The following PEX13 variants were observed in gnomAD, a reference collection of about 807,000 sequenced individuals.
PEX13 encodes the protein peroxisomal biogenesis factor 13, also known as peroxisome biogenesis factor 13.
A neutral mutation model predicts 34.5 loss-of-function variants in PEX13; 28 were observed. That is an observed-to-expected ratio of 0.81 (90% CI 0.60 to 1.11). The LOEUF (loss-of-function observed/expected upper bound fraction) is 1.11, where lower values mean the gene tolerates loss of function less well. Among genes scored for constraint, PEX13 ranks in the 50% most tolerant of loss-of-function variants. PEX13 has a pLI of 0.00. For synonymous variants in PEX13, 177 were observed against 175.1 expected (o/e 1.01, Z -0.09); for missense variants, 550 against 491.0 (o/e 1.12, Z -1.13).
At position 61,045,783 on chromosome 2, in the gene PEX13, A is replaced by G. The variant is rs1573560642; in HGVS notation, c.845A>G (p.Asp282Gly). Reference sequence around the variant, plus strand: ...CATGTAGTTGCCAGAGCAGAATATGATTTTGCTGCCGTATCTGAAGAAGAA... The same window carrying G: ...CATGTAGTTGCCAGAGCAGAATATGGTTTTGCTGCCGTATCTGAAGAAGAA... ...DDHVVARAEY[D>G]FAAVSEEEIS... The change falls in exon 3 of 4, where the codon GAT (aspartate) becomes GGT (glycine). Residue 282 changes from aspartate to glycine, a missense_variant. Physicochemically the swap from Asp to Gly is moderately conservative, Grantham distance 94. Transcript: ENST00000295030. The G allele has an allele frequency of 1.9e-6, 3 of 1,613,190 alleles. No homozygotes were observed. Among genetic ancestry groups the G allele is most frequent in the South Asian group, 1.1e-5 (1 of 91,054 alleles).
chr2:61,045,907 A>G lies in PEX13; in HGVS notation c.913+56A>G. Reference sequence around the variant, plus strand: ...TGTAAATTTTGATATTCATAAATGCAGTATTAAAAACTACAACAAAGGATC... The same window carrying G: ...TGTAAATTTTGATATTCATAAATGCGGTATTAAAAACTACAACAAAGGATC... On this transcript the variant is annotated intron_variant, in intron 3 of 3. Coordinates refer to ENST00000295030, the MANE Select transcript of PEX13 (RefSeq NM_002618.4). 2.1e-6 allele frequency: 3 copies of G among 1,401,236 alleles called. No individual in the cohort carries two copies. In the South Asian group the frequency reaches 3.5e-5, roughly 16 times the overall value. 86.8% of individuals were successfully genotyped at this position (1,401,236 alleles called of 1,614,324 possible).
intron 1 of PEX13, chr2:61,018,087 CGTCTCTCTGG>C: frequency 6.6e-7 from 1 of 1,521,720 alleles, no homozygotes; most frequent in African/African-American, 1.4e-5. Flanking sequence ...AGCTCCTGGG[CGTCTCTCTGG>C]GTCTCTGTGC....
In PEX13 at chr2:61,048,592, C is replaced by T. The variant is rs748038698; in HGVS notation, c.1034C>T (p.Ser345Leu). Residue 345 changes from serine (S) to leucine (L), a missense_variant, in exon 4 of 4, where the codon TCA becomes TTA. Physicochemically the swap from Ser to Leu is moderately radical, Grantham distance 145. Transcript: ENST00000295030. ...GKRKGRKTVE[S>L]SKVSKQQQSF... ...AGAAAAGGTAGGAAAACGGTGGAAT[C>T]AAGTAAAGTTTCCAAGCAGCAACAA... The T allele has an allele frequency of 3.1e-6, 5 of 1,614,100 alleles. No homozygotes were observed. Among genetic ancestry groups the T allele is most frequent in the Non-Finnish European group, 4.2e-6 (5 of 1,179,990 alleles).
chr2:61,039,134 A>G lies in PEX13; in HGVS notation c.788-6592A>G, dbSNP rs182888578. Among the ~76,000 whole-genome samples the G allele has an allele frequency of 2.0e-5, 3 of 152,358 alleles. No homozygotes were observed. The East Asian group carries it at 5.8e-4, about 29-fold the overall frequency. ...GGAAGAACATTCCATGCCCATGGATAGGAAGAATCAATATCATGAAAATGG... is the reference window on the plus strand; with the variant it reads ...GGAAGAACATTCCATGCCCATGGATGGGAAGAATCAATATCATGAAAATGG... On this transcript the variant is annotated intron_variant, in intron 2 of 3. Transcript: ENST00000295030.
chr2:61,030,000 C>CTA (rs749245224), intron 1 of PEX13, among the ~76,000 whole-genome samples: 3 of 152,028 alleles, frequency 2.0e-5, no homozygotes, highest in Non-Finnish European at 4.4e-5. Flanking sequence ...TATGCAAATG[C>CTA]TATACTATTT....
At chr2:61,037,918 G>A (rs1680562070) in intron 2 of PEX13, among the ~76,000 whole-genome samples, 1 of 152,112 alleles carries the variant, frequency 6.6e-6, no homozygotes, top group East Asian at 1.9e-4. Context: ...AATGATAAAA[G>A]GGGTATCACC....
At chr2:61,035,948 A>C (rs1680527663) in intron 2 of PEX13, among the ~76,000 whole-genome samples, 2 of 148,612 alleles carry the variant, frequency 1.3e-5, no homozygotes, top group Admixed American at 1.4e-4. Context: ...ACACCATTGC[A>C]CTCCAGCCTG....
In PEX13 at chr2:61,049,046, G is replaced by A; in HGVS notation, c.*276G>A. 2.3e-6 allele frequency: 1 copy of A among 428,126 alleles called. No individual in the cohort carries two copies. Among genetic ancestry groups the A allele is most frequent in the Middle Eastern group, 7.0e-4 (1 of 1,434 alleles). 26.5% of individuals were successfully genotyped at this position (428,126 alleles called of 1,614,324 possible). On this transcript the variant is annotated 3_prime_UTR_variant, in exon 4 of 4. Transcript: ENST00000295030. ...CATTTTTATCTTATTTAAATCTCTA[G>A]GTTTATTGGAAGAGTAAGATTGATG...
In PEX13 at chr2:61,049,750, G is replaced by A. The variant is rs548289599; in HGVS notation, c.*980G>A. On this transcript the variant is annotated 3_prime_UTR_variant, in exon 4 of 4. Coordinates refer to ENST00000295030, the MANE Select transcript of PEX13 (RefSeq NM_002618.4). Reference sequence around the variant, plus strand: ...AGATCTCGCCATTGCACTTCAGCCTGGGCAACAAAAGCGAAACTCCATCTC... The same window carrying A: ...AGATCTCGCCATTGCACTTCAGCCTAGGCAACAAAAGCGAAACTCCATCTC... 4.6e-5 allele frequency: 7 copies of A among 152,132 alleles called. No individual in the cohort carries two copies. The highest frequency in any genetic ancestry group is 1.7e-4 in the African/African-American group (7 of 41,414). 9.4% of individuals were successfully genotyped at this position (152,132 alleles called of 1,614,324 possible). A position where few individuals can be genotyped will look rare whatever the true frequency, so the allele number is the denominator to read the frequency against.
intron 1 of PEX13, chr2:61,018,920 C>T (rs1680181534): frequency 1.3e-5 from 2 of 152,202 alleles, no homozygotes; most frequent in South Asian, 2.1e-4. Context: ...TAAAATTAAC[C>T]ATTTTCCCAC....
rs1400405974 is a variant in PEX13 at position 61,050,049 on chromosome 2, T to C, written c.*1279T>C. 2.0e-5 allele frequency: 3 copies of C among 152,334 alleles called. No homozygotes were observed. The highest frequency in any genetic ancestry group is 4.4e-5 in the Non-Finnish European group (3 of 68,038). 9.4% of individuals were successfully genotyped at this position (152,334 alleles called of 1,614,324 possible). ...ATACATTTTTCTTTTAGGTTTAGTT[T>C]TTACTACTGAGACTTATTTATAGTC... On this transcript the variant is annotated 3_prime_UTR_variant, in exon 4 of 4. Coordinates refer to ENST00000295030, the MANE Select transcript of PEX13 (RefSeq NM_002618.4).
rs1680358812 is a variant in PEX13 at position 61,026,548 on chromosome 2, ATC to A, written c.93-4869_93-4868del. ...TTTTTAGTAGAGACAGTATTTCACCATCTTGGCCAGGCTGGTCTTGAACTCCT... is the reference window on the plus strand; with the variant it reads ...TTTTTAGTAGAGACAGTATTTCACCATTGGCCAGGCTGGTCTTGAACTCCT... On this transcript the variant is annotated intron_variant, in intron 1 of 3. Coordinates refer to ENST00000295030, the MANE Select transcript of PEX13 (RefSeq NM_002618.4). Among the ~76,000 whole-genome samples the A allele has an allele frequency of 5.6e-4, 85 of 151,130 alleles. 2 individuals are homozygous for A. The South Asian group carries it at 0.017, about 30-fold the overall frequency.
intron 1 of PEX13, among the ~76,000 whole-genome samples, chr2:61,020,067 C>CA (rs908774336): frequency 1.1e-4 from 17 of 152,042 alleles, no homozygotes; most frequent in Non-Finnish European, 2.2e-4. Context: ...ACTAAAAATA[C>CA]AAAAAAACAT....
chr2:61,034,536 G>A (rs1680503989), intron 2 of PEX13, among the ~76,000 whole-genome samples: 1 of 152,132 alleles, frequency 6.6e-6, no homozygotes, highest in African/African-American at 2.4e-5. Context: ...AGGGGTCAGG[G>A]GATTTCCCTT....
intron 2 of PEX13, among the ~76,000 whole-genome samples, chr2:61,043,807 A>T (rs1013623104): frequency 6.6e-6 from 1 of 152,232 alleles, no homozygotes; most frequent in Admixed American, 6.5e-5. Context: ...TGGCAATTCA[A>T]TGGCAGAACA....
At chr2:61,018,185 G>A (rs1412776217) in intron 1 of PEX13, 3 of 1,550,878 alleles carry the variant, frequency 1.9e-6, no homozygotes, top group Non-Finnish European at 2.6e-6. Context: ...TCTTTAAAGC[G>A]TAGACTTTGG....
intron 2 of PEX13, among the ~76,000 whole-genome samples, chr2:61,037,616 T>C (rs1270866307): frequency 6.6e-6 from 1 of 152,162 alleles, no homozygotes; most frequent in Non-Finnish European, 1.5e-5. Flanking sequence ...TTTAAAGCAG[T>C]GTGTAAAGGA....
At chr2:61,036,452 A>G (rs189166972) in intron 2 of PEX13, among the ~76,000 whole-genome samples, 1 of 152,242 alleles carries the variant, frequency 6.6e-6, no homozygotes, top group African/African-American at 2.4e-5. Flanking sequence ...CCTACAAGCC[A>G]GAAGACAGTG....
intron 2 of PEX13, 38 bp downstream of exon 2, chr2:61,032,151 T>C (rs918808378): frequency 5.3e-6 from 7 of 1,321,488 alleles, no homozygotes; most frequent in Non-Finnish European, 6.5e-6. Flanking sequence ...AGATACCATA[T>C]AACAATCTCA....
Sources: allele counts gnomAD v4.1 joint callset (sites outside exome capture counted in the v4.1 genomes callset), GRCh38; gene constraint gnomAD v4.1.1; transcripts MANE v1.5; gene names NCBI Gene and HGNC (gene_info 2026-07-23, HGNC 2026-07-21).